Variants in MRC1 observed in about 807,000 individuals in gnomAD.
MRC1 encodes mannose receptor C-type 1, also known as macrophage mannose receptor 1.
A neutral mutation model predicts 102.9 loss-of-function variants in MRC1; 62 were observed. The ratio of observed to expected loss-of-function variants is 0.60; its 90% CI spans 0.49 to 0.74. The LOEUF (loss-of-function observed/expected upper bound fraction) is 0.74. Among genes scored for constraint, MRC1 ranks in the 30% least tolerant of loss-of-function variants. The pLI, the probability that MRC1 is intolerant of heterozygous loss-of-function variation, is 0.00. For synonymous variants in MRC1, 457 were observed against 298.4 expected (o/e 1.53, Z -5.48); for missense variants, 1,237 against 862.8 (o/e 1.43, Z -5.43).
At chr10:17,867,384 T>TCC (rs1833290721) in intron 12 of MRC1, among the ~76,000 whole-genome samples, 2 of 136,600 alleles carry the variant, frequency 1.5e-5, no homozygotes, top group Non-Finnish European at 3.1e-5. Flanking sequence ...CTTCTTCTTC[T>TCC]TCTCCTTCTT....
intron 7 of MRC1, among the ~76,000 whole-genome samples, chr10:17,850,534 A>G (rs1423883621): frequency 6.6e-6 from 1 of 152,216 alleles, no homozygotes; most frequent in African/African-American, 2.4e-5. Flanking sequence ...ATAGATGAAT[A>G]AAATGAGCTG....
intron 18 of MRC1, among the ~76,000 whole-genome samples, chr10:17,878,823 C>G (rs1833472968): frequency 1.3e-5 from 2 of 152,108 alleles, no homozygotes; most frequent in Non-Finnish European, 2.9e-5. Context: ...CCACCATACC[C>G]CACAGGGTCA....
chr10:17,877,841 T>G (rs1260789662), intron 17 of MRC1, 59 bp from the exon 18 acceptor site: 1 of 870,460 alleles, frequency 1.1e-6, no homozygotes, highest in Non-Finnish European at 2.0e-6. Context: ...ATGTTTTGTT[T>G]AAGAACTTCC....
intron 21 of MRC1, among the ~76,000 whole-genome samples, chr10:17,882,539 T>C (rs1282656013): frequency 6.6e-6 from 1 of 152,160 alleles, no homozygotes; most frequent in African/African-American, 2.4e-5. Context: ...TCTAGAATCA[T>C]TTATTTCAAA....
At chr10:17,812,784 G>T (rs1554837544) in intron 1 of MRC1, among the ~76,000 whole-genome samples, 1 of 151,888 alleles carries the variant, frequency 6.6e-6, no homozygotes, top group Non-Finnish European at 1.5e-5. Flanking sequence ...TGTTGGCCAG[G>T]CTGGTCTTGA....
Position 17,904,508 on chromosome 10 carries a change from C to T in MRC1, c.3800-2378C>T, listed in dbSNP as rs1053337173. On this transcript the variant is annotated intron_variant, in intron 26 of 29. Coordinates refer to ENST00000569591, the MANE Select transcript of MRC1 (RefSeq NM_002438.4). ...GTTAAGATCCCTGTACATGATGAGA[C>T]CCTTCTCTCTCACAGATTTTAAGAC... Among the ~76,000 whole-genome samples, 6 of 152,130 alleles carry T rather than the reference C, an allele frequency of 3.9e-5. No homozygotes were observed. In the South Asian group the frequency reaches 6.2e-4, roughly 16 times the overall value.
At chr10:17,828,201 C>G (rs911017347) in intron 3 of MRC1, among the ~76,000 whole-genome samples, 2 of 152,128 alleles carry the variant, frequency 1.3e-5, no homozygotes, top group Non-Finnish European at 2.9e-5. Context: ...CTCAGCCTCC[C>G]GAGTAGCTGG....
At chr10:17,901,412 G>A (rs985529011) in intron 25 of MRC1, among the ~76,000 whole-genome samples, 4 of 152,200 alleles carry the variant, frequency 2.6e-5, no homozygotes, top group Non-Finnish European at 5.9e-5. Flanking sequence ...CTTTGGGCCG[G>A]GTGCGGTGGC....
intron 24 of MRC1, among the ~76,000 whole-genome samples, chr10:17,898,532 A>G (rs1833785953): frequency 6.6e-6 from 1 of 152,256 alleles, no homozygotes; most frequent in South Asian, 2.1e-4. Context: ...TGAAAATTAT[A>G]TTCCAAATCT....
chr10:17,895,420 A>G (rs1296682290), intron 23 of MRC1, among the ~76,000 whole-genome samples: 2 of 151,752 alleles, frequency 1.3e-5, no homozygotes, highest in Non-Finnish European at 2.9e-5. Flanking sequence ...AAAACTTTCT[A>G]TTAGAAATTT....
At chr10:17,815,799 T>C (rs1838301366) in intron 1 of MRC1, among the ~76,000 whole-genome samples, 1 of 151,670 alleles carries the variant, frequency 6.6e-6, no homozygotes, top group South Asian at 2.1e-4. Context: ...CTGTTTTTTT[T>C]TCTTTTGTTC....
At chr10:17,817,170 A>G (rs2130578931) in intron 1 of MRC1, among the ~76,000 whole-genome samples, 2 of 151,098 alleles carry the variant, frequency 1.3e-5, no homozygotes, top group Admixed American at 1.3e-4. Flanking sequence ...GAATCGCTTG[A>G]ACCTGGGAGG....
chr10:17,891,344 T>C (rs1438366102), intron 22 of MRC1, among the ~76,000 whole-genome samples: 6 of 151,918 alleles, frequency 3.9e-5, no homozygotes, highest in African/African-American at 1.4e-4. Context: ...TTTTTTATAT[T>C]TTTACTAGAG....
chr10:17,857,517 A>G (rs1242984972), intron 9 of MRC1, among the ~76,000 whole-genome samples: 1 of 152,226 alleles, frequency 6.6e-6, no homozygotes, highest in African/African-American at 2.4e-5. Flanking sequence ...ATGATAATAA[A>G]AATAAAATAA....
chr10:17,875,512 G>C (rs1213221438), intron 17 of MRC1, among the ~76,000 whole-genome samples: 4 of 152,170 alleles, frequency 2.6e-5, no homozygotes, highest in Non-Finnish European at 5.9e-5. Context: ...GAGAACATGA[G>C]ATGTTTGGTT....
At chr10:17,843,227 G>T (rs1316470341) in intron 5 of MRC1, among the ~76,000 whole-genome samples, 1 of 148,226 alleles carries the variant, frequency 6.7e-6, no homozygotes, top group Non-Finnish European at 1.5e-5. Context: ...AGCTAGAAAT[G>T]TATTTGTTTG....
Position 17,863,634 on chromosome 10 carries a change from A to G in MRC1, c.1735A>G (p.Thr579Ala). Residue 579 changes from threonine (T) to alanine (A), a missense_variant, in exon 11 of 30, where the codon ACC (threonine) becomes GCC (alanine). Physicochemically the swap from Thr to Ala is moderately conservative, Grantham distance 58 (BLOSUM62 0). Coordinates refer to ENST00000569591, the MANE Select transcript of MRC1 (RefSeq NM_002438.4). ...DIQTKGTFQW[T>A]IEEEVRFTHW... ...ACAAACCAAAGGGACTTTTCAGTGG[A>G]CCATCGAGGAAGAGGTTCGGTTCAC... 1.3e-6 allele frequency: 1 copy of G among 780,838 alleles called. No homozygotes were observed. The highest frequency in any genetic ancestry group is 2.4e-5 in the East Asian group (1 of 41,246). 48.4% of individuals were successfully genotyped at this position (780,838 alleles called of 1,614,324 possible). A position where few individuals can be genotyped will look rare whatever the true frequency, so the allele number is the denominator to read the frequency against.
chr10:17,894,406 T>TCTTTTTTTTTTTC, intron 23 of MRC1, 94 bp downstream of exon 23: 7 of 688,872 alleles, frequency 1.0e-5, no homozygotes, highest in African/African-American at 1.9e-5. Context: ...TTTTTTTTTT[T>TCTTTTTTTTTTTC]TTTTTTTTTT....
In MRC1 at chr10:17,910,528, T is replaced by C; in HGVS notation, c.*63T>C. 2.6e-6 allele frequency: 2 copies of C among 780,026 alleles called. No individual in the cohort carries two copies. Among genetic ancestry groups the C allele is most frequent in the East Asian group, 2.4e-5 (1 of 41,258 alleles). 48.3% of individuals were successfully genotyped at this position (780,026 alleles called of 1,614,324 possible). On this transcript the variant is annotated 3_prime_UTR_variant, in exon 30 of 30. Coordinates refer to ENST00000569591, the MANE Select transcript of MRC1 (RefSeq NM_002438.4). ...AATTGTAACTGAAATTTAAAATTTT[T>C]AGTTCAATGTGATTGTTTTCTTTAA...
Sources: allele counts gnomAD v4.1 joint callset (sites outside exome capture counted in the v4.1 genomes callset), GRCh38; gene constraint gnomAD v4.1.1; transcripts MANE v1.5; gene names NCBI Gene and HGNC (gene_info 2026-07-23, HGNC 2026-07-21).